The following NCALD variants were observed in gnomAD, a reference collection of about 807,000 sequenced individuals.
The protein encoded by NCALD is neurocalcin delta.
A neutral mutation model predicts 18.6 loss-of-function variants in NCALD; 10 were observed. The observed-to-expected ratio is 0.54, with a 90% CI of 0.33 to 0.91. NCALD has a LOEUF of 0.91. NCALD is among the 40% of genes least tolerant of loss of function. The pLI is 0.03. For missense variants in NCALD, 184 were observed against 247.6 expected (o/e 0.74, Z 1.72); for synonymous variants, 88 against 87.4 (o/e 1.01, Z -0.04).
chr8:101,690,062 C>T (rs1340780271), intron 3 of NCALD, among the ~76,000 whole-genome samples: 2 of 152,190 alleles, frequency 1.3e-5, no homozygotes, highest in Non-Finnish European at 2.9e-5. Flanking sequence ...GGGTGCTCTC[C>T]TGCTACCCTG....
At chr8:101,829,890 TTTTG>T (rs1814096602) in intron 4 of NCALD, among the ~76,000 whole-genome samples, 1 of 152,170 alleles carries the variant, frequency 6.6e-6, no homozygotes, top group African/African-American at 2.4e-5. Context: ...GCATTTGGCA[TTTTG>T]TTTGTTATTA....
At chr8:102,107,993 AG>A (rs1825526283) in intron 1 of NCALD, among the ~76,000 whole-genome samples, 1 of 152,028 alleles carries the variant, frequency 6.6e-6, no homozygotes, top group Admixed American at 6.6e-5. Flanking sequence ...TAGGGGCAGG[AG>A]GGGCCCTTCC....
At chr8:101,690,633 A>C (rs1414300872) in intron 3 of NCALD, 12 of 985,444 alleles carry the variant, frequency 1.2e-5, no homozygotes, top group Non-Finnish European at 1.4e-5. Context: ...CCTCCCCGCC[A>C]GAACCTAGTT....
chr8:101,790,372 TATA>T (rs1812400846), intron 1 of NCALD, among the ~76,000 whole-genome samples: 1 of 152,098 alleles, frequency 6.6e-6, no homozygotes, highest in African/African-American at 2.4e-5. Context: ...TTGTTTCAGT[TATA>T]ATGTTATTTC....
At chr8:101,891,270 C>A in intron 3 of NCALD, among the ~76,000 whole-genome samples, 1 of 152,144 alleles carries the variant, frequency 6.6e-6, no homozygotes, top group Non-Finnish European at 1.5e-5. Flanking sequence ...TTATACTCAC[C>A]CCTTGTGCCC....
intron 1 of NCALD, among the ~76,000 whole-genome samples, chr8:102,075,530 T>A (rs1424871228): frequency 6.6e-6 from 1 of 152,250 alleles, no homozygotes; most frequent in African/African-American, 2.4e-5. Context: ...AATTATTTAT[T>A]GCATCTCTTA....
chr8:101,875,100 A>G (rs1816176692), intron 4 of NCALD, among the ~76,000 whole-genome samples: 1 of 152,246 alleles, frequency 6.6e-6, no homozygotes, highest in Admixed American at 6.5e-5. Flanking sequence ...AGTAGTCTAG[A>G]CAGTCTGACC....
chr8:101,706,560 C>T (rs143308765), intron 2 of NCALD, among the ~76,000 whole-genome samples: 19 of 152,344 alleles, frequency 1.2e-4, no homozygotes, highest in African/African-American at 4.6e-4. Flanking sequence ...AAATCCTTGT[C>T]TATCTGAAAC....
rs527430463 is a variant in NCALD at position 102,071,385 on chromosome 8, A to G, written c.-209-51096T>C. Among the ~76,000 whole-genome samples, 9 of 152,330 alleles carry G rather than the reference A, an allele frequency of 5.9e-5. No individual in the cohort carries two copies. The South Asian group carries it at 1.9e-3, about 32-fold the overall frequency. On this transcript the variant is annotated intron_variant, in intron 1 of 6. Transcript: ENST00000311028. ...TTGTTTTCCCCTTCATCATTTACAT[A>G]ACCAACGAAAATTCTCTTAGCCTTT... is the stretch of plus-strand genomic sequence containing the variant.
chr8:102,060,329 G>C (rs182907021), intron 1 of NCALD, among the ~76,000 whole-genome samples: 2 of 152,222 alleles, frequency 1.3e-5, no homozygotes, highest in Non-Finnish European at 2.9e-5. Context: ...ATGCTGGTTA[G>C]AGAACATACT....
At chr8:101,892,501 A>G (rs1816947456) in intron 3 of NCALD, among the ~76,000 whole-genome samples, 1 of 149,602 alleles carries the variant, frequency 6.7e-6, no homozygotes, top group South Asian at 2.1e-4. Flanking sequence ...CAACGGAACA[A>G]AGCTGGATGG....
intron 4 of NCALD, among the ~76,000 whole-genome samples, chr8:101,801,284 G>C (rs902797177): frequency 6.6e-6 from 1 of 151,864 alleles, no homozygotes; most frequent in African/African-American, 2.4e-5. Context: ...CATCTTTCTT[G>C]GTAACTTACA....
chr8:102,051,465 C>A (rs1823457762), intron 1 of NCALD, among the ~76,000 whole-genome samples: 1 of 152,176 alleles, frequency 6.6e-6, no homozygotes, highest in African/African-American at 2.4e-5. Context: ...CTAATCCTGT[C>A]AATTTACCTA....
chr8:101,703,725 G>A (rs535775294), intron 2 of NCALD, among the ~76,000 whole-genome samples: 8 of 152,296 alleles, frequency 5.3e-5, no homozygotes, highest in South Asian at 2.1e-4. Flanking sequence ...GGCAGATGGC[G>A]CTGAGAGTTT....
At chr8:101,835,038 A>T (rs1814353180) in intron 4 of NCALD, among the ~76,000 whole-genome samples, 1 of 152,266 alleles carries the variant, frequency 6.6e-6, no homozygotes, top group South Asian at 2.1e-4. Context: ...TAACTGGGTC[A>T]AAAGTTTCCA....
At chr8:102,103,939 A>G (rs1199126097) in intron 1 of NCALD, among the ~76,000 whole-genome samples, 4 of 152,212 alleles carry the variant, frequency 2.6e-5, no homozygotes, top group African/African-American at 9.6e-5. Context: ...TCCAATGGAC[A>G]TCTGGGATCA....
intron 1 of NCALD, among the ~76,000 whole-genome samples, chr8:101,777,291 G>A (rs563370776): frequency 1.3e-5 from 2 of 152,326 alleles, no homozygotes; most frequent in South Asian, 4.1e-4. Context: ...GATATGAAAT[G>A]AGACACCATG....
At position 101,701,186 on chromosome 8, in the gene NCALD, T is replaced by C. The variant is rs144616371; in HGVS notation, c.379-8290A>G. ...CACGGCATCAACAACCGAGAGCTGA[T>C]TGTATCAGAACTTTAAAATCTGGGA... On this transcript the variant is annotated intron_variant, in intron 2 of 3. Coordinates refer to ENST00000220931, the MANE Select transcript of NCALD (RefSeq NM_032041.3). 7.2e-3 allele frequency among the ~76,000 whole-genome samples: 1,095 copies of C among 152,140 alleles called. 13 individuals carry two copies. The highest frequency in any genetic ancestry group is 0.024 in the African/African-American group (990 of 41,510).
At chr8:101,884,645 T>A (rs1308762349) in intron 4 of NCALD, among the ~76,000 whole-genome samples, 1 of 152,170 alleles carries the variant, frequency 6.6e-6, no homozygotes, top group Non-Finnish European at 1.5e-5. Context: ...TGTTGCAAAA[T>A]TGCTGGGAAA....
Sources: allele counts gnomAD v4.1 joint callset (sites outside exome capture counted in the v4.1 genomes callset), GRCh38; gene constraint gnomAD v4.1.1; transcripts MANE v1.5; gene names NCBI Gene and HGNC (gene_info 2026-07-23, HGNC 2026-07-21).